NDUFAF2: variants seen among roughly 807,000 people sequenced by gnomAD.
NDUFAF2 encodes NADH dehydrogenase [ubiquinone] 1 alpha subcomplex assembly factor 2.
In NDUFAF2, 13 loss-of-function variants were observed where a neutral mutation model predicts 22.8. The observed-to-expected ratio is 0.57, with a 90% CI of 0.37 to 0.91. NDUFAF2 has a LOEUF of 0.91. Among genes scored for constraint, NDUFAF2 ranks in the 40% least tolerant of loss-of-function variants. The pLI is 0.01. For synonymous variants in NDUFAF2, 53 were observed against 64.2 expected, an observed-to-expected ratio of 0.83 and a Z score of 0.84; for missense variants, 162 against 195.2, an observed-to-expected ratio of 0.83 and a Z score of 1.01.
At chr5:61,121,497 ACTCTT>A (rs1170418184) in intron 3 of NDUFAF2, among the ~76,000 whole-genome samples, 3 of 151,912 alleles carry the variant, frequency 2.0e-5, no homozygotes, top group Admixed American at 2.0e-4. Flanking sequence ...GCTTTCTGAA[ACTCTT>A]GTTGTAGATA....
At chr5:61,018,884 C>T (rs1751544292) in intron 1 of NDUFAF2, among the ~76,000 whole-genome samples, 1 of 151,986 alleles carries the variant, frequency 6.6e-6, no homozygotes, top group South Asian at 2.1e-4. Context: ...ATTAGAATAC[C>T]ATTAGCAATA....
chr5:60,982,888 G>C (rs1462114674), intron 1 of NDUFAF2, among the ~76,000 whole-genome samples: 1 of 152,078 alleles, frequency 6.6e-6, no homozygotes, highest in Non-Finnish European at 1.5e-5. Context: ...AGAGAAGCAT[G>C]ATTCGTAAAC....
At chr5:60,971,286 C>T (rs1294432925) in intron 1 of NDUFAF2, among the ~76,000 whole-genome samples, 3 of 144,316 alleles carry the variant, frequency 2.1e-5, no homozygotes, top group South Asian at 2.2e-4. Flanking sequence ...TTCTTTCTTT[C>T]TTTTTTTTTT....
chr5:61,129,896 TA>T (rs1318913248), intron 3 of NDUFAF2, among the ~76,000 whole-genome samples: 6 of 152,080 alleles, frequency 3.9e-5, no homozygotes, highest in African/African-American at 1.4e-4. Flanking sequence ...CTAGGCATGT[TA>T]AAAAGACTTT....
At chr5:60,946,294 A>G (rs158918) in intron 1 of NDUFAF2, among the ~76,000 whole-genome samples, 23 of 152,096 alleles carry the variant, frequency 1.5e-4, no homozygotes, top group African/African-American at 5.6e-4. Context: ...CCAAGTCTCA[A>G]CATCCTCACT....
At chr5:60,978,838 T>C (rs1750937562) in intron 1 of NDUFAF2, among the ~76,000 whole-genome samples, 1 of 152,142 alleles carries the variant, frequency 6.6e-6, no homozygotes, top group East Asian at 1.9e-4. Context: ...GATGCCCAAG[T>C]GAGTGCCTGT....
chr5:61,111,650 A>C (rs903209112), intron 3 of NDUFAF2, among the ~76,000 whole-genome samples: 1 of 150,910 alleles, frequency 6.6e-6, no homozygotes, highest in Non-Finnish European at 1.5e-5. Context: ...ACAGAGTCTC[A>C]CTCTGTTGCC....
intron 3 of NDUFAF2, among the ~76,000 whole-genome samples, chr5:61,128,387 G>A (rs1192076657): frequency 6.6e-6 from 1 of 152,110 alleles, no homozygotes; most frequent in African/African-American, 2.4e-5. Context: ...CACGCTACCT[G>A]ACTTCAAACT....
chr5:61,039,931 T>G (rs1457505613), intron 1 of NDUFAF2, among the ~76,000 whole-genome samples: 1 of 152,196 alleles, frequency 6.6e-6, no homozygotes, highest in East Asian at 1.9e-4. Flanking sequence ...TCTTTAGAAC[T>G]TTGAAGATAT....
rs879832021 is a variant in NDUFAF2, at chr5:60,983,682, G to A, written c.127+38300G>A. Reference sequence around the variant, plus strand: ...AATCCTTTCCCCATTTCTTGTTTTTGTCAGGTTTGTCAAAGATCAGATAGT... The same window carrying A: ...AATCCTTTCCCCATTTCTTGTTTTTATCAGGTTTGTCAAAGATCAGATAGT... On this transcript the variant is annotated intron_variant, in intron 1 of 3. Coordinates refer to ENST00000296597, the MANE Select transcript of NDUFAF2 (RefSeq NM_174889.5). 6.0e-5 allele frequency among the ~76,000 whole-genome samples: 9 copies of A among 150,470 alleles called. No homozygotes were observed. In the South Asian group the frequency reaches 6.3e-4, roughly 11 times the overall value.
chr5:60,982,441 CA>C (rs1260333939), intron 1 of NDUFAF2, among the ~76,000 whole-genome samples: 1 of 151,870 alleles, frequency 6.6e-6, no homozygotes, highest in East Asian at 2.0e-4. Flanking sequence ...GGTACATGTA[CA>C]CAACGTACAG....
chr5:61,119,196 TC>T (rs1269111029), intron 3 of NDUFAF2, among the ~76,000 whole-genome samples: 4 of 152,148 alleles, frequency 2.6e-5, no homozygotes, highest in Non-Finnish European at 5.9e-5. Flanking sequence ...ATAGTTTAGT[TC>T]TTGAAAGTCC....
intron 2 of NDUFAF2, among the ~76,000 whole-genome samples, chr5:61,088,546 T>C (rs2111752010): frequency 6.6e-6 from 1 of 152,228 alleles, no homozygotes; most frequent in Admixed American, 6.6e-5. Context: ...GTAAATATTT[T>C]TGTTAGAAGT....
chr5:61,107,046 T>TATACACAC (rs1295236944), intron 3 of NDUFAF2, among the ~76,000 whole-genome samples: 7 of 124,018 alleles, frequency 5.6e-5, no homozygotes, highest in Admixed American at 4.4e-4. Flanking sequence ...TGGATAAATA[T>TATACACAC]ACACACACAC....
chr5:60,985,855 TGTG>T (rs1053043192), intron 1 of NDUFAF2, among the ~76,000 whole-genome samples: 62 of 152,274 alleles, frequency 4.1e-4, no homozygotes, highest in African/African-American at 1.5e-3. Flanking sequence ...ATGTGGGAAT[TGTG>T]GTAGTTACAA....
At chr5:60,976,978 G>C (rs1750910250) in intron 1 of NDUFAF2, among the ~76,000 whole-genome samples, 1 of 152,078 alleles carries the variant, frequency 6.6e-6, no homozygotes, top group African/African-American at 2.4e-5. Flanking sequence ...AGAAGTTTGT[G>C]CTTGTGTTTT....
intron 1 of NDUFAF2, among the ~76,000 whole-genome samples, chr5:61,055,146 A>G (rs905086099): frequency 2.0e-5 from 3 of 152,314 alleles, no homozygotes; most frequent in Middle Eastern, 3.4e-3. Flanking sequence ...TCCTTTATTT[A>G]CCATGTATGC....
At chr5:61,027,033 ATAT>A (rs1461509053) in intron 1 of NDUFAF2, among the ~76,000 whole-genome samples, 1 of 151,662 alleles carries the variant, frequency 6.6e-6, no homozygotes, top group African/African-American at 2.4e-5. Flanking sequence ...ATATGTAAAA[ATAT>A]TATCCTTATT....
chr5:61,146,290 G>T (rs890953111), intron 3 of NDUFAF2: 1 of 152,170 alleles, frequency 6.6e-6, no homozygotes, highest in Non-Finnish European at 1.5e-5. Flanking sequence ...TTTGGTGGAC[G>T]TAGAGTTTTA....
Sources: gnomAD v4.1 joint callset for allele counts (sites outside exome capture counted in the v4.1 genomes callset) on GRCh38, gnomAD v4.1.1 for gene constraint, MANE v1.5 for transcripts, NCBI Gene and HGNC (gene_info 2026-07-23, HGNC 2026-07-21) for gene names.